Variants in CDYL observed in about 807,000 individuals in gnomAD.
CDYL encodes chromodomain Y like.
In CDYL, 8 loss-of-function variants were observed where a neutral mutation model predicts 47.3. The observed-to-expected ratio is 0.17, with a 90% confidence interval of 0.10 to 0.31. CDYL has a LOEUF of 0.31. CDYL is among the 10% of genes least tolerant of loss of function. CDYL has a pLI of 1.00. For missense variants in CDYL, 471 were observed against 701.4 expected, an observed-to-expected ratio of 0.67 and a Z score of 3.71; for synonymous variants, 266 against 265.0, an observed-to-expected ratio of 1.00 and a Z score of -0.04.
intron 1 of CDYL, among the ~76,000 whole-genome samples, chr6:4,852,897 C>T (rs776661470): frequency 1.3e-5 from 2 of 151,976 alleles, no homozygotes; most frequent in Non-Finnish European, 2.9e-5. Context: ...CTCCTGGGTG[C>T]AGGTAATCCT....
intron 1 of CDYL, among the ~76,000 whole-genome samples, chr6:4,888,955 G>T (rs1438116856): frequency 2.0e-5 from 3 of 152,164 alleles, no homozygotes; most frequent in Non-Finnish European, 2.9e-5. Flanking sequence ...TTGCATGATT[G>T]CAATCCTTTT....
rs144255020 is a variant in CDYL at position 4,794,860 on chromosome 6, T to C, written c.24+18053T>C. ...AGAAAGGCTGTTTATGTATATCTGA[T>C]CTTATATCTAGCAGACTTGTTAAAC... On this transcript the variant is annotated intron_variant, in intron 1 of 6. Transcript: ENST00000397588. Among the ~76,000 whole-genome samples, 629 of 152,316 alleles carry C rather than the reference T, an allele frequency of 4.1e-3. 1 individual carries two copies. The highest frequency in any genetic ancestry group is 0.014 in the African/African-American group (588 of 41,564).
At chr6:4,715,074 C>A (rs1757227955) in intron 1 of CDYL, among the ~76,000 whole-genome samples, 1 of 152,188 alleles carries the variant, frequency 6.6e-6, no homozygotes, top group Non-Finnish European at 1.5e-5. Context: ...TCCATAAACC[C>A]TCTGCATAGG....
intron 1 of CDYL, among the ~76,000 whole-genome samples, chr6:4,876,793 A>C (rs1761632887): frequency 6.6e-6 from 1 of 152,202 alleles, no homozygotes; most frequent in African/African-American, 2.4e-5. Context: ...TGGGAATGAC[A>C]TGAATTTTGT....
intron 4 of CDYL, among the ~76,000 whole-genome samples, chr6:4,938,073 A>C (rs1261296110): frequency 6.6e-6 from 1 of 152,200 alleles, no homozygotes. Flanking sequence ...AGTTCCTATT[A>C]TTTGTGCCGT....
Position 4,836,178 on chromosome 6 carries a change from G to T in CDYL, c.25-55535G>T, listed in dbSNP as rs539721890. 1.6e-3 allele frequency: 681 copies of T among 426,722 alleles called. 1 individual carries two copies. The highest frequency in any genetic ancestry group is 2.0e-3 in the Non-Finnish European group (638 of 318,996). The allele number at this position is 426,722 out of a possible 1,614,324, so 26.4% of individuals were successfully genotyped here. A position where few individuals can be genotyped will look rare whatever the true frequency, so the allele number is the denominator to read the frequency against. On this transcript the variant is annotated intron_variant, in intron 1 of 6. Coordinates refer to ENST00000397588, the MANE Select transcript of CDYL (RefSeq NM_004824.4). ...ATCACCTGTCTTCTGCGTCGCTCAC[G>T]CTGGGAGCTGTAGACCGGAGCTGTT...
At chr6:4,877,464 T>G (rs1207847799) in intron 1 of CDYL, among the ~76,000 whole-genome samples, 2 of 152,230 alleles carry the variant, frequency 1.3e-5, no homozygotes, top group Non-Finnish European at 2.9e-5. Context: ...TCGCTTTAGC[T>G]TTTATACTTA....
intron 2 of CDYL, among the ~76,000 whole-genome samples, chr6:4,892,818 A>G (rs1434221220): frequency 6.6e-6 from 1 of 152,216 alleles, no homozygotes; most frequent in East Asian, 1.9e-4. Context: ...AATGCCTTTC[A>G]GTGGGAGCGT....
chr6:4,761,137 A>T (rs1179187640), intron 3 of CDYL, among the ~76,000 whole-genome samples: 3 of 152,254 alleles, frequency 2.0e-5, no homozygotes, highest in Non-Finnish European at 2.9e-5. Flanking sequence ...CTTCATAAAA[A>T]CTATTTCTAC....
At chr6:4,806,503 C>T (rs1198338495) in intron 1 of CDYL, among the ~76,000 whole-genome samples, 1 of 152,190 alleles carries the variant, frequency 6.6e-6, no homozygotes, top group East Asian at 1.9e-4. Context: ...TCTCAAATAC[C>T]ACTCCTCCAA....
intron 1 of CDYL, among the ~76,000 whole-genome samples, chr6:4,795,013 T>C (rs1264368314): frequency 6.6e-6 from 1 of 152,132 alleles, no homozygotes; most frequent in Non-Finnish European, 1.5e-5. Flanking sequence ...TTGTACTGAA[T>C]TGGCTAGGAC....
chr6:4,727,489 G>A (rs1247464524), intron 2 of CDYL, among the ~76,000 whole-genome samples: 1 of 152,094 alleles, frequency 6.6e-6, no homozygotes, highest in Non-Finnish European at 1.5e-5. Context: ...AAACTACCAA[G>A]TCATCTCTCT....
intron 1 of CDYL, among the ~76,000 whole-genome samples, chr6:4,831,760 G>A (rs1342711852): frequency 1.3e-5 from 2 of 152,160 alleles, no homozygotes; most frequent in Non-Finnish European, 2.9e-5. Context: ...TTGAGCAGTG[G>A]TTTGTAGTTC....
intron 2 of CDYL, among the ~76,000 whole-genome samples, chr6:4,900,807 A>AGATATATC (rs1757018536): frequency 3.4e-5 from 3 of 87,914 alleles, no homozygotes; most frequent in African/African-American, 1.5e-4. Context: ...ATATATATAT[A>AGATATATC]TATATATATA....
intron 3 of CDYL, among the ~76,000 whole-genome samples, chr6:4,739,191 A>T (rs1005907319): frequency 2.0e-5 from 3 of 149,052 alleles, no homozygotes; most frequent in Admixed American, 6.8e-5. Flanking sequence ...ATTAAATAAT[A>T]AAAATAAAAT....
At chr6:4,890,081 T>G in intron 1 of CDYL, 1 of 985,430 alleles carries the variant, frequency 1.0e-6, no homozygotes, top group Non-Finnish European at 1.2e-6. Flanking sequence ...ACGGGAATAC[T>G]CTGGTTTAGT....
At position 4,710,377 on chromosome 6, in the gene CDYL, G is replaced by GA. The variant is rs1169477990; in HGVS notation, c.-39+4127dup. Reference sequence around the variant, plus strand: ...GGAGGGAGGGAAGGAGGGAGGGAGGGAGGGAAGGAAGGAAGGAAGGAAGGA... The same window carrying GA: ...GGAGGGAGGGAAGGAGGGAGGGAGGGAAGGGAAGGAAGGAAGGAAGGAAGGA... On this transcript the variant is annotated intron_variant, in intron 1 of 8. Coordinates refer to the CDYL transcript ENST00000328908. 7.7e-3 allele frequency among the ~76,000 whole-genome samples: 1,056 copies of GA among 137,958 alleles called. 12 individuals carry two copies. Among genetic ancestry groups the GA allele is most frequent in the Non-Finnish European group, 0.011 (673 of 64,058 alleles). The allele number at this position is 137,958 out of a possible 152,430, so 90.5% of individuals were successfully genotyped here.
chr6:4,828,210 C>G (rs958489695), intron 1 of CDYL, among the ~76,000 whole-genome samples: 19 of 145,660 alleles, frequency 1.3e-4, no homozygotes, highest in Non-Finnish European at 1.9e-4. Flanking sequence ...CGTTAGTTTG[C>G]TGGATATAGG....
At chr6:4,901,247 G>C (rs542079121) in intron 2 of CDYL, among the ~76,000 whole-genome samples, 1 of 151,814 alleles carries the variant, frequency 6.6e-6, no homozygotes, top group East Asian at 1.9e-4. Flanking sequence ...AAGGACAAAG[G>C]GGGGGAAATC....
Sources: allele counts gnomAD v4.1 joint callset (sites outside exome capture counted in the v4.1 genomes callset), GRCh38; gene constraint gnomAD v4.1.1; transcripts MANE v1.5; gene names NCBI Gene and HGNC (gene_info 2026-07-23, HGNC 2026-07-21).